Variants in TBC1D8 observed in about 807,000 individuals in gnomAD.
The protein encoded by TBC1D8 is BUB2-like protein 1.
A neutral mutation model predicts 118.8 loss-of-function variants in TBC1D8; 65 were observed. The ratio of observed to expected loss-of-function variants is 0.55; its 90% confidence interval spans 0.45 to 0.67. TBC1D8 has a LOEUF of 0.67. Among genes scored for constraint, TBC1D8 ranks in the 30% least tolerant of loss-of-function variants. The pLI is 0.00. For synonymous variants in TBC1D8, 566 were observed against 595.8 expected, an observed-to-expected ratio of 0.95 and a Z score of 0.73; for missense variants, 1,376 against 1,471.2, an observed-to-expected ratio of 0.94 and a Z score of 1.06.
chr2:101,083,227 G>C (rs982095180), intron 2 of TBC1D8, among the ~76,000 whole-genome samples: 1 of 152,176 alleles, frequency 6.6e-6, no homozygotes, highest in Non-Finnish European at 1.5e-5. Context: ...GACACGTCAA[G>C]CTCTGTCCTA....
chr2:101,013,695 C>T (rs1679405005), intron 17 of TBC1D8, among the ~76,000 whole-genome samples: 2 of 152,224 alleles, frequency 1.3e-5, no homozygotes, highest in African/African-American at 2.4e-5. Flanking sequence ...GTCATTGCCA[C>T]TGCCATCTTC....
At chr2:101,086,820 C>G (rs1033940512) in intron 2 of TBC1D8, among the ~76,000 whole-genome samples, 5 of 152,202 alleles carry the variant, frequency 3.3e-5, no homozygotes, top group Admixed American at 2.6e-4. Context: ...GAGTCTGACT[C>G]TGTTGTCCAG....
At chr2:101,142,744 A>G (rs563573734) in intron 1 of TBC1D8, among the ~76,000 whole-genome samples, 2 of 152,372 alleles carry the variant, frequency 1.3e-5, no homozygotes, top group South Asian at 4.1e-4. Context: ...TTACGAATAC[A>G]TATAAATGTG....
chr2:101,070,720 C>T (rs1221129048), intron 2 of TBC1D8, among the ~76,000 whole-genome samples: 1 of 152,016 alleles, frequency 6.6e-6, no homozygotes, highest in East Asian at 1.9e-4. Flanking sequence ...GCCAACAAAT[C>T]TGATTTTTAA....
chr2:101,125,125 C>T (rs746913862), intron 1 of TBC1D8, among the ~76,000 whole-genome samples: 53 of 152,240 alleles, frequency 3.5e-4, no homozygotes, highest in Non-Finnish European at 5.4e-4. Flanking sequence ...AAGCAGCCTC[C>T]GGCCACTCCT....
At chr2:101,102,668 A>G (rs1676929283) in intron 1 of TBC1D8, among the ~76,000 whole-genome samples, 1 of 152,202 alleles carries the variant, frequency 6.6e-6, no homozygotes, top group South Asian at 2.1e-4. Context: ...CTACGTTAAC[A>G]TTAATCAAAA....
At chr2:101,061,061 C>T (rs1446442714) in intron 2 of TBC1D8, among the ~76,000 whole-genome samples, 1 of 151,590 alleles carries the variant, frequency 6.6e-6, no homozygotes, top group African/African-American at 2.4e-5. Flanking sequence ...GGTGGTGGGC[C>T]CCCCTAATCC....
At chr2:101,085,714 A>G (rs1033515787) in intron 2 of TBC1D8, among the ~76,000 whole-genome samples, 2 of 152,216 alleles carry the variant, frequency 1.3e-5, no homozygotes, top group African/African-American at 4.8e-5. Flanking sequence ...AGAAAAGAAA[A>G]TTCTCACGAA....
At chr2:101,071,842 C>T (rs753117737) in intron 2 of TBC1D8, among the ~76,000 whole-genome samples, 4 of 152,094 alleles carry the variant, frequency 2.6e-5, no homozygotes, top group Non-Finnish European at 4.4e-5. Context: ...AAAGGTACTA[C>T]AAATTTAAAA....
intron 1 of TBC1D8, among the ~76,000 whole-genome samples, chr2:101,114,216 T>G (rs557771509): frequency 1.3e-5 from 2 of 152,320 alleles, no homozygotes; most frequent in South Asian, 2.1e-4. Context: ...GATTTTTATG[T>G]CAACATTTCT....
At chr2:101,071,079 C>G (rs1279816425) in intron 2 of TBC1D8, among the ~76,000 whole-genome samples, 1 of 152,102 alleles carries the variant, frequency 6.6e-6, no homozygotes, top group East Asian at 1.9e-4. Context: ...ATGGCTCATG[C>G]CTGTAATCCC....
chr2:101,135,151 G>A (rs192815044), intron 1 of TBC1D8, among the ~76,000 whole-genome samples: 1 of 152,196 alleles, frequency 6.6e-6, no homozygotes, highest in African/African-American at 2.4e-5. Context: ...CAGCCTGGGC[G>A]ACAGAGCGAG....
chr2:101,121,333 G>A (rs558409393), intron 1 of TBC1D8, among the ~76,000 whole-genome samples: 35 of 152,260 alleles, frequency 2.3e-4, no homozygotes, highest in African/African-American at 7.5e-4. Flanking sequence ...CAGGGACTGC[G>A]ACAAGCTCCA....
intron 1 of TBC1D8, among the ~76,000 whole-genome samples, chr2:101,148,280 C>A (rs1240206876): frequency 1.3e-5 from 2 of 152,216 alleles, no homozygotes; most frequent in Non-Finnish European, 2.9e-5. Context: ...AAATGCTGGG[C>A]CTCTACTCCC....
intron 1 of TBC1D8, among the ~76,000 whole-genome samples, chr2:101,110,831 G>A (rs957108457): frequency 2.3e-4 from 35 of 151,900 alleles, no homozygotes; most frequent in Admixed American, 1.9e-3. Flanking sequence ...AAAATTAGCC[G>A]GGCAGGGTGG....
intron 5 of TBC1D8, among the ~76,000 whole-genome samples, chr2:101,047,825 G>C (rs1681807046): frequency 6.6e-6 from 1 of 152,192 alleles, no homozygotes; most frequent in Admixed American, 6.5e-5. Context: ...GAATCTCCTT[G>C]AATTCTGGAA....
At chr2:101,150,186 C>T (rs929969946) in intron 1 of TBC1D8, among the ~76,000 whole-genome samples, 3 of 152,192 alleles carry the variant, frequency 2.0e-5, no homozygotes, top group Admixed American at 2.0e-4. Flanking sequence ...CTTCCCTAGA[C>T]TGGTCTGAGA....
intron 19 of TBC1D8, among the ~76,000 whole-genome samples, chr2:101,010,240 T>G (rs912878199): frequency 1.3e-5 from 2 of 152,200 alleles, no homozygotes; most frequent in Non-Finnish European, 2.9e-5. Flanking sequence ...TCAGAAGTTT[T>G]AGAGACTCCT....
intron 1 of TBC1D8, among the ~76,000 whole-genome samples, chr2:101,105,611 T>C (rs1243714644): frequency 8.0e-6 from 1 of 124,708 alleles, no homozygotes; most frequent in Non-Finnish European, 1.8e-5. Flanking sequence ...AAAAAAAACA[T>C]ATATATATAT....
Sources: gnomAD v4.1 joint callset for allele counts (sites outside exome capture counted in the v4.1 genomes callset) on GRCh38, gnomAD v4.1.1 for gene constraint, MANE v1.5 for transcripts, NCBI Gene and HGNC (gene_info 2026-07-23, HGNC 2026-07-21) for gene names.